SAP130: variants seen among roughly 807,000 people sequenced by gnomAD.
The protein encoded by SAP130 is Sin3A associated protein 130, also known as histone deacetylase complex subunit SAP130.
A neutral mutation model predicts 103.2 loss-of-function variants in SAP130; 16 were observed. That is an observed-to-expected ratio of 0.16 (90% CI 0.10 to 0.24). The LOEUF (loss-of-function observed/expected upper bound fraction) is 0.24. Ranked by LOEUF, SAP130 falls within the 10% of genes least tolerant of loss-of-function variation. SAP130 has a pLI of 1.00. For synonymous variants in SAP130, 477 were observed against 497.0 expected (o/e 0.96, Z 0.53); for missense variants, 990 against 1,359.7 (o/e 0.73, Z 4.28).
intron 18 of SAP130, among the ~76,000 whole-genome samples, chr2:127,946,681 G>T (rs149029797): frequency 0.028 from 4,191 of 151,578 alleles, 177 homozygotes; most frequent in African/African-American, 0.093. Flanking sequence ...TCAGGAGTTC[G>T]AGACCAGCCT....
At chr2:127,983,209 C>A (rs957240051) in intron 14 of SAP130, among the ~76,000 whole-genome samples, 1 of 152,106 alleles carries the variant, frequency 6.6e-6, no homozygotes, top group Non-Finnish European at 1.5e-5. Context: ...AACAAGAAGG[C>A]CATATGGTAC....
intron 5 of SAP130, among the ~76,000 whole-genome samples, chr2:128,014,533 C>T (rs1385050209): frequency 6.6e-5 from 10 of 152,160 alleles, no homozygotes; most frequent in East Asian, 1.9e-4. Flanking sequence ...GACAGGGTTT[C>T]GCCATGTTGC....
chr2:128,009,746 C>T (rs768257257), intron 7 of SAP130, among the ~76,000 whole-genome samples: 1 of 152,146 alleles, frequency 6.6e-6, no homozygotes, highest in Non-Finnish European at 1.5e-5. Context: ...ACCCTGCTAC[C>T]TCCCCAAATC....
intron 11 of SAP130, among the ~76,000 whole-genome samples, chr2:127,995,909 G>A (rs1353750249): frequency 6.6e-6 from 1 of 152,136 alleles, no homozygotes; most frequent in African/African-American, 2.4e-5. Context: ...CAACGTGACA[G>A]TACCAAATTC....
chr2:128,007,492 T>C (rs945244539), intron 7 of SAP130, among the ~76,000 whole-genome samples: 3 of 152,242 alleles, frequency 2.0e-5, no homozygotes, highest in African/African-American at 7.2e-5. Context: ...TTATACCTTG[T>C]GAATTTCCTC....
chr2:127,968,221 G>A (rs1680805828), intron 15 of SAP130, among the ~76,000 whole-genome samples: 1 of 150,866 alleles, frequency 6.6e-6, no homozygotes, highest in South Asian at 2.1e-4. Context: ...AGATTCTCCT[G>A]CCACAGCCTC....
rs1246591738 is a variant in SAP130, at chr2:127,941,905, CCTTT to C, written c.*97_*100del. 11 of 936,362 alleles carry C rather than the reference CCTTT, an allele frequency of 1.2e-5. No individual in the cohort carries two copies. The highest frequency in any genetic ancestry group is 7.9e-5 in the East Asian group (3 of 38,214). The allele number at this position is 936,362 out of a possible 1,614,324, so 58.0% of individuals were successfully genotyped here. A position where few individuals can be genotyped will look rare whatever the true frequency, so the allele number is the denominator to read the frequency against. On this transcript the variant is annotated 3_prime_UTR_variant, in exon 21 of 21. Coordinates refer to ENST00000643581, the MANE Select transcript of SAP130 (RefSeq NM_001330301.2). ...TTCACACGGGAACTAAGGAACACTT[CCTTT>C]ATTTCAATGTTCCACTTTGGAAAAA...
chr2:127,960,410 A>G (rs921884562), intron 15 of SAP130, among the ~76,000 whole-genome samples: 1 of 152,112 alleles, frequency 6.6e-6, no homozygotes, highest in Non-Finnish European at 1.5e-5. Flanking sequence ...ATCAAGAAAA[A>G]CCAAAAATGA....
rs189489109 is a variant in SAP130, at chr2:127,965,101, C to T, written c.2064-9757G>A. Among the ~76,000 whole-genome samples, 691 of 151,690 alleles carry T rather than the reference C, an allele frequency of 4.6e-3. 6 individuals carry two copies. The highest frequency in any genetic ancestry group is 0.016 in the African/African-American group (649 of 41,384). On this transcript the variant is annotated intron_variant, in intron 15 of 20. Transcript: ENST00000643581. ...CGCGAGGTCAGGAGATCAAGACCAT[C>T]CTGGCCAACATGGTAAAACCCTGTC...
At chr2:127,971,180 C>T (rs1573698103) in intron 15 of SAP130, among the ~76,000 whole-genome samples, 2 of 151,994 alleles carry the variant, frequency 1.3e-5, no homozygotes, top group Admixed American at 1.3e-4. Context: ...ATCGAACCCC[C>T]GGGCTCCCCC....
rs543235363 is a variant in SAP130 at position 127,951,541 on chromosome 2, C to T, written c.2423-1133G>A. ...GCCTACAAGGAACCTGTTCATCCGA[C>T]CATGTTCCTGCAGTCACTCATCCCT... On this transcript the variant is annotated intron_variant, in intron 16 of 20. Transcript: ENST00000643581. Among the ~76,000 whole-genome samples the T allele has an allele frequency of 2.6e-5, 4 of 152,310 alleles. No homozygotes were observed. In the South Asian group the frequency reaches 8.3e-4, roughly 32 times the overall value.
chr2:127,981,394 AC>A (rs76471709), intron 14 of SAP130, among the ~76,000 whole-genome samples: 1 of 17,964 alleles, frequency 5.6e-5, no homozygotes, highest in Non-Finnish European at 1.0e-4. Context: ...GTCCTCCTGC[AC>A]CCCCGACTCA....
chr2:127,959,804 A>T (rs1381924098), intron 15 of SAP130, among the ~76,000 whole-genome samples: 1 of 152,252 alleles, frequency 6.6e-6, no homozygotes, highest in Non-Finnish European at 1.5e-5. Context: ...AATGAATCAA[A>T]AAGATAGAAA....
intron 1 of SAP130, 97 bp downstream of exon 1, chr2:128,027,843 C>T (rs1573878922): frequency 4.9e-6 from 4 of 819,154 alleles, no homozygotes; most frequent in Admixed American, 6.2e-5. Flanking sequence ...CTGCCCTTCC[C>T]CGGGGACGCG....
chr2:127,945,398 A>C, intron 19 of SAP130, 58 bp downstream of exon 19: 1 of 1,001,990 alleles, frequency 1.0e-6, no homozygotes, highest in African/African-American at 1.6e-5. Context: ...GAACTCAGCT[A>C]TCTGCAGTGT....
rs767166504 is a variant in SAP130, at chr2:127,989,539, C to T, written c.1780+25G>A. 3 of 1,581,920 alleles carry T rather than the reference C, an allele frequency of 1.9e-6. No individual in the cohort carries two copies. The highest frequency in any genetic ancestry group is 1.8e-5 in the Admixed American group (1 of 55,744). On this transcript the variant is annotated intron_variant, in intron 13 of 20. Coordinates refer to ENST00000643581, the MANE Select transcript of SAP130 (RefSeq NM_001330301.2). The surrounding 1 kb of genome is among the most constrained non-coding windows in gnomAD (Gnocchi z 4.6). ...AATGTATTTCTTTTCTCCAAACCACCTTCTATGCAAAAATTTAAAATTACC... is the reference window on the plus strand; with the variant it reads ...AATGTATTTCTTTTCTCCAAACCACTTTCTATGCAAAAATTTAAAATTACC...
Position 127,978,107 on chromosome 2 carries a change from C to G in SAP130, c.1959-18G>C. The G allele has an allele frequency of 2.6e-6, 4 of 1,541,666 alleles. No homozygotes were observed. Among genetic ancestry groups the G allele is most frequent in the South Asian group, 1.2e-5 (1 of 83,846 alleles). On this transcript the variant is annotated intron_variant, in intron 14 of 20. Coordinates refer to ENST00000643581, the MANE Select transcript of SAP130 (RefSeq NM_001330301.2). ...CTGCCATTCTGAAAGAGACAAGAGA[C>G]AAACCCGGAGAACAGCAGTCCAAGG...
chr2:127,943,644 G>GTACA, intron 19 of SAP130, among the ~76,000 whole-genome samples: 1 of 152,292 alleles, frequency 6.6e-6, no homozygotes, highest in East Asian at 1.9e-4. Context: ...CATAGAAAAG[G>GTACA]TACAGCAAAA....
intron 15 of SAP130, among the ~76,000 whole-genome samples, chr2:127,977,335 C>CAAAAAAAAAAAAA: frequency 8.9e-6 from 1 of 111,764 alleles, no homozygotes; most frequent in Non-Finnish European, 1.7e-5. Context: ...ACTTAAAATA[C>CAAAAAAAAAAAAA]AAAAAAAAAA....
Sources: allele counts gnomAD v4.1 joint callset (sites outside exome capture counted in the v4.1 genomes callset), GRCh38; gene constraint gnomAD v4.1.1; non-coding constraint Gnocchi (gnomAD v3.1); transcripts MANE v1.5; gene names NCBI Gene and HGNC (gene_info 2026-07-23, HGNC 2026-07-21).